The following NEUROD4 variants were observed in gnomAD, a reference collection of about 807,000 sequenced individuals.
NEUROD4 encodes the protein neurogenic differentiation factor 4.
NEUROD4 carries 16 observed loss-of-function variants against 19.8 expected under a neutral mutation model. The ratio of observed to expected loss-of-function variants is 0.81; its 90% confidence interval spans 0.55 to 1.23. NEUROD4 has a LOEUF of 1.23. Ranked by LOEUF, NEUROD4 falls within the 50% of genes most tolerant of loss-of-function variation. The pLI is 0.00. For synonymous variants in NEUROD4, 153 were observed against 147.9 expected, an observed-to-expected ratio of 1.03 and a Z score of -0.25; for missense variants, 439 against 398.6, an observed-to-expected ratio of 1.10 and a Z score of -0.86.
chr12:55,025,576 C>A, intron 1 of NEUROD4, among the ~76,000 whole-genome samples: 1 of 152,210 alleles, frequency 6.6e-6, no homozygotes, highest in East Asian at 1.9e-4. Context: ...ACCCTCCTTT[C>A]TTTTCATGAT....
chr12:55,026,491 C>T lies in NEUROD4; in HGVS notation c.52C>T (p.Pro18Ser), dbSNP rs756974804. 11 of 1,613,596 alleles carry T rather than the reference C, an allele frequency of 6.8e-6. No homozygotes were observed. Among genetic ancestry groups the T allele is most frequent in the Non-Finnish European group, 7.6e-6 (9 of 1,179,808 alleles). Residue 18 changes from proline to serine, a missense_variant, in exon 2 of 2, where the codon CCA becomes TCA. Coordinates refer to ENST00000242994, the MANE Select transcript of NEUROD4 (RefSeq NM_021191.3). ...SKEMGELVNT[P>S]SWMDKGLGSQ... is the part of the protein sequence containing the mutation. ...GGAGATGGGAGAGCTAGTCAACACA[C>T]CATCCTGGATGGATAAAGGTCTGGG...
rs1346475889 is a variant in NEUROD4, at chr12:55,027,397, G to C, written c.958G>C (p.Gly320Arg). 6.2e-7 allele frequency: 1 copy of C among 1,612,996 alleles called. No homozygotes were observed. Among genetic ancestry groups the C allele is most frequent in the Admixed American group, 1.7e-5 (1 of 59,964 alleles). ...DMSYDSYPHH[G>R]IGTQLNTVFT... ...GTCCTATGATTCCTACCCCCATCAT[G>C]GTATTGGGACCCAACTCAATACAGT... The change falls in exon 2 of 2, where the codon GGT becomes CGT. Residue 320 changes from glycine to arginine, a missense_variant. Transcript: ENST00000242994.
rs767345988 is a variant in NEUROD4, at chr12:55,026,705, G to T, written c.266G>T (p.Arg89Ile). The T allele has an allele frequency of 6.2e-7, 1 of 1,614,198 alleles. No individual in the cohort carries two copies. Reference sequence around the variant, plus strand: ...CGCCTTGAGAGATTCAGGGCTCGAAGAGTCAAGGCTAATGCCAGAGAACGG... The same window carrying T: ...CGCCTTGAGAGATTCAGGGCTCGAATAGTCAAGGCTAATGCCAGAGAACGG... Reference protein sequence around the residue: ...KARLERFRARRVKANARERTR... With the variant: ...KARLERFRARIVKANARERTR... The change falls in exon 2 of 2, where the codon AGA (arginine) becomes ATA (isoleucine). Residue 89 changes from arginine to isoleucine, a missense_variant. By Grantham distance (97) the Arg-to-Ile change is moderately conservative. Coordinates refer to ENST00000242994, the MANE Select transcript of NEUROD4 (RefSeq NM_021191.3).
At position 55,027,346 on chromosome 12, in the gene NEUROD4, C is replaced by A; in HGVS notation, c.907C>A (p.Pro303Thr). 1 of 1,614,046 alleles carries A rather than the reference C, an allele frequency of 6.2e-7. No individual in the cohort carries two copies. Among genetic ancestry groups the A allele is most frequent in the Non-Finnish European group, 8.5e-7 (1 of 1,179,954 alleles). The change falls in exon 2 of 2, where the codon CCC (proline) becomes ACC (threonine). Residue 303 changes from proline to threonine, a missense_variant. Pro to Thr is a conservative substitution (Grantham distance 38). Transcript: ENST00000242994. The stretch of plus-strand genomic sequence containing the variant: ...TTCAACTCCTTTTCAGGCTGGTACC[C>A]CCCGTTATGATGTTCCTATAGACAT... ...VHSTPFQAGTPRYDVPIDMSY... is the reference protein window; with the variant it reads ...VHSTPFQAGTTRYDVPIDMSY...
chr12:55,025,567 C>A (rs1424153599), intron 1 of NEUROD4, among the ~76,000 whole-genome samples: 4 of 152,150 alleles, frequency 2.6e-5, no homozygotes, highest in Admixed American at 1.3e-4. Context: ...GCAGTGATAA[C>A]CCTCCTTTCT....
intron 1 of NEUROD4, among the ~76,000 whole-genome samples, chr12:55,020,895 T>G (rs1359154518): frequency 6.6e-6 from 1 of 152,232 alleles, no homozygotes; most frequent in African/African-American, 2.4e-5. Flanking sequence ...CTCAGCTCTT[T>G]CAGATGGGAA....
At chr12:55,023,931 C>A (rs1211372242) in intron 1 of NEUROD4, among the ~76,000 whole-genome samples, 2 of 152,148 alleles carry the variant, frequency 1.3e-5, no homozygotes, top group Non-Finnish European at 2.9e-5. Flanking sequence ...TGAATATTGA[C>A]AGATCTTAAA....
chr12:55,027,460 G>A lies in NEUROD4; in HGVS notation c.*25G>A. 6.4e-7 allele frequency: 1 copy of A among 1,561,060 alleles called. No individual in the cohort carries two copies. The highest frequency in any genetic ancestry group is 1.4e-5 in the African/African-American group (1 of 73,106). On this transcript the variant is annotated 3_prime_UTR_variant, in exon 2 of 2. Transcript: ENST00000242994. Reference sequence around the variant, plus strand: ...AGGCAGTTAAGTTCAATGTTTCAGAGAATGACGTGGAGACATTTTCCATAA... The same window carrying A: ...AGGCAGTTAAGTTCAATGTTTCAGAAAATGACGTGGAGACATTTTCCATAA...
At chr12:55,021,540 G>C (rs763996530) in intron 1 of NEUROD4, among the ~76,000 whole-genome samples, 1 of 152,156 alleles carries the variant, frequency 6.6e-6, no homozygotes, top group Non-Finnish European at 1.5e-5. Flanking sequence ...TAAAAAATTT[G>C]TAAAAGTGTA....
In NEUROD4 at chr12:55,020,639, G is replaced by A. The variant is rs138691248; in HGVS notation, c.-10+326G>A. Among the ~76,000 whole-genome samples, 632 of 152,248 alleles carry A rather than the reference G, an allele frequency of 4.2e-3. 4 individuals are homozygous for A. Among genetic ancestry groups the A allele is most frequent in the African/African-American group, 0.015 (603 of 41,534 alleles). The stretch of plus-strand genomic sequence containing the variant: ...CTTTCATTTTGTTAGTGGTGAAAAT[G>A]TCGAAAAGTTTAACTGCTTTTCCAA... On this transcript the variant is annotated intron_variant, in intron 1 of 1. Coordinates refer to ENST00000242994, the MANE Select transcript of NEUROD4 (RefSeq NM_021191.3).
rs1156710325 is a variant in NEUROD4, at chr12:55,028,075, C to T, written c.*640C>T. 6.0e-6 allele frequency: 1 copy of T among 167,060 alleles called. No homozygotes were observed. The highest frequency in any genetic ancestry group is 1.5e-5 in the Non-Finnish European group (1 of 68,124). 10.3% of individuals were successfully genotyped at this position (167,060 alleles called of 1,614,324 possible). Reference sequence around the variant, plus strand: ...TAGCTTCTGGAAGCTAAAAGTCTAACATGGCTGTCACTGTGAAGAACAAAA... The same window carrying T: ...TAGCTTCTGGAAGCTAAAAGTCTAATATGGCTGTCACTGTGAAGAACAAAA... On this transcript the variant is annotated 3_prime_UTR_variant, in exon 2 of 2. Coordinates refer to ENST00000242994, the MANE Select transcript of NEUROD4 (RefSeq NM_021191.3).
rs747671309 is a variant in NEUROD4 at position 55,027,388 on chromosome 12, C to T, written c.949C>T (p.Pro317Ser). Residue 317 changes from proline to serine, a missense_variant, in exon 2 of 2, where the codon CCC becomes TCC. By Grantham distance (74) the Pro-to-Ser change is moderately conservative. Transcript: ENST00000242994. ...VPIDMSYDSY[P>S]HHGIGTQLNT... ...TATAGACATGTCCTATGATTCCTAC[C>T]CCCATCATGGTATTGGGACCCAACT... The T allele has an allele frequency of 2.5e-6, 4 of 1,613,392 alleles. No individual in the cohort carries two copies. The South Asian group carries it at 4.4e-5, about 18-fold the overall frequency.
Position 55,026,571 on chromosome 12 carries a change from C to A in NEUROD4, c.132C>A (p.Leu44=). Residue 44 remains leucine, a synonymous_variant, in exon 2 of 2, where the codon CTC becomes CTA. Coordinates refer to ENST00000242994, the MANE Select transcript of NEUROD4 (RefSeq NM_021191.3). The stretch of plus-strand genomic sequence containing the variant: ...GCAGACCAGGTACTTATGGGATGCT[C>A]AGCAGCTTAACTGAAGAGCATGACA... ...EESRPGTYGM[L]SSLTEEHDSI... is the part of the protein sequence containing the mutation. 6.2e-7 allele frequency: 1 copy of A among 1,613,832 alleles called. No homozygotes were observed. The highest frequency in any genetic ancestry group is 1.1e-5 in the South Asian group (1 of 91,042).
In NEUROD4 at chr12:55,026,690, G is replaced by T; in HGVS notation, c.251G>T (p.Arg84Ile). ...AAGATGACCAAAGCTCGCCTTGAGA[G>T]ATTCAGGGCTCGAAGAGTCAAGGCT... is the stretch of plus-strand genomic sequence containing the variant. Reference protein sequence around the residue: ...KKKMTKARLERFRARRVKANA... With the variant: ...KKKMTKARLEIFRARRVKANA... Residue 84 changes from arginine to isoleucine, a missense_variant, in exon 2 of 2, where the codon AGA becomes ATA. Physicochemically the swap from Arg to Ile is moderately conservative, Grantham distance 97. Transcript: ENST00000242994. 3 of 1,614,150 alleles carry T rather than the reference G, an allele frequency of 1.9e-6. No individual in the cohort carries two copies. Among genetic ancestry groups the T allele is most frequent in the Non-Finnish European group, 2.5e-6 (3 of 1,180,014 alleles).
chr12:55,023,605 C>G (rs1254094863), intron 1 of NEUROD4, among the ~76,000 whole-genome samples: 3 of 152,254 alleles, frequency 2.0e-5, no homozygotes, highest in Non-Finnish European at 4.4e-5. Context: ...TTGTGTTATT[C>G]TAGCTTCCAT....
intron 1 of NEUROD4, among the ~76,000 whole-genome samples, chr12:55,022,432 T>C (rs878917963): frequency 3.9e-5 from 6 of 152,150 alleles, no homozygotes; most frequent in Non-Finnish European, 1.5e-5. Context: ...TTAACCTTTT[T>C]GATGCATTGA....
chr12:55,020,971 CA>C (rs1269986167), intron 1 of NEUROD4, among the ~76,000 whole-genome samples: 3 of 151,810 alleles, frequency 2.0e-5, no homozygotes, highest in Middle Eastern at 3.2e-3. Context: ...CATTTGCCCG[CA>C]AAAAAAGTAT....
chr12:55,021,797 C>G (rs551573448), intron 1 of NEUROD4, among the ~76,000 whole-genome samples: 1 of 152,034 alleles, frequency 6.6e-6, no homozygotes, highest in Non-Finnish European at 1.5e-5. Flanking sequence ...AATCCAAATA[C>G]CAAATGGCTA....
chr12:55,021,381 A>G (rs1016848159), intron 1 of NEUROD4, among the ~76,000 whole-genome samples: 1 of 152,232 alleles, frequency 6.6e-6, no homozygotes, highest in African/African-American at 2.4e-5. Flanking sequence ...ACTGGGCTGG[A>G]CAGCCCCCTT....
Sources: allele counts gnomAD v4.1 joint callset (sites outside exome capture counted in the v4.1 genomes callset), GRCh38; gene constraint gnomAD v4.1.1; transcripts MANE v1.5; gene names NCBI Gene and HGNC (gene_info 2026-07-23, HGNC 2026-07-21).